The following GRID1 variants were observed in gnomAD, a reference collection of about 807,000 sequenced individuals.
The protein encoded by GRID1 is glutamate receptor ionotropic, delta-1.
GRID1 carries 28 observed loss-of-function variants against 98.0 expected under a neutral mutation model. That is an observed-to-expected ratio of 0.29 (90% CI 0.21 to 0.39). The LOEUF (loss-of-function observed/expected upper bound fraction) is 0.39. GRID1 is among the 10% of genes least tolerant of loss of function. GRID1 has a pLI of 1.00. For missense variants in GRID1, 1,111 were observed against 1,340.5 expected, an observed-to-expected ratio of 0.83 and a Z score of 2.67; for synonymous variants, 553 against 538.5, an observed-to-expected ratio of 1.03 and a Z score of -0.37.
intron 4 of GRID1, among the ~76,000 whole-genome samples, chr10:86,126,808 A>G (rs1844761290): frequency 6.6e-6 from 1 of 152,170 alleles, no homozygotes; most frequent in South Asian, 2.1e-4. Flanking sequence ...TTCTCAGGGG[A>G]ATCTTGGCAG....
chr10:86,141,320 C>T lies in GRID1; in HGVS notation c.521-2296G>A, dbSNP rs1213886148. On this transcript the variant is annotated intron_variant, in intron 3 of 15. Coordinates refer to ENST00000327946, the MANE Select transcript of GRID1 (RefSeq NM_017551.3). ...GCCATGGGGATCTGTAGCTCCCAAG[C>T]TTCTTGAAAGAAAAGGTGAAGAAGA... is the stretch of plus-strand genomic sequence containing the variant. Among the ~76,000 whole-genome samples the T allele has an allele frequency of 2.0e-5, 3 of 152,218 alleles. No individual in the cohort carries two copies. The South Asian group carries it at 6.2e-4, about 32-fold the overall frequency.
chr10:86,167,012 T>A (rs1205532649), intron 3 of GRID1, among the ~76,000 whole-genome samples: 1 of 152,204 alleles, frequency 6.6e-6, no homozygotes, highest in Admixed American at 6.5e-5. Context: ...AAAGGCTGAA[T>A]GGGGAGCACC....
intron 8 of GRID1, among the ~76,000 whole-genome samples, chr10:85,818,042 C>T (rs12219671): frequency 1.3e-5 from 2 of 152,138 alleles, no homozygotes; most frequent in African/African-American, 4.8e-5. Context: ...TATTTAAATG[C>T]TGTTCTTTAG....
At chr10:85,823,682 C>A (rs1373780348) in intron 8 of GRID1, among the ~76,000 whole-genome samples, 1 of 151,746 alleles carries the variant, frequency 6.6e-6, no homozygotes, top group Admixed American at 6.6e-5. Flanking sequence ...AAAACTATAT[C>A]TAAATACAGT....
intron 5 of GRID1, among the ~76,000 whole-genome samples, chr10:85,878,265 G>C (rs1388619142): frequency 6.6e-6 from 1 of 151,976 alleles, no homozygotes; most frequent in Non-Finnish European, 1.5e-5. Context: ...AGGAAATACA[G>C]AGAACGCCAC....
intron 3 of GRID1, among the ~76,000 whole-genome samples, chr10:86,170,300 C>T (rs1204459849): frequency 2.0e-5 from 3 of 152,222 alleles, no homozygotes; most frequent in East Asian, 1.9e-4. Context: ...CAGTGGACAG[C>T]GATTCTAATC....
At chr10:85,887,916 C>T (rs898376239) in intron 5 of GRID1, among the ~76,000 whole-genome samples, 1 of 152,114 alleles carries the variant, frequency 6.6e-6, no homozygotes, top group Non-Finnish European at 1.5e-5. Flanking sequence ...TACCTGGCCT[C>T]CATGCAAGCC....
chr10:86,066,079 T>C (rs942218226), intron 4 of GRID1, among the ~76,000 whole-genome samples: 1 of 152,212 alleles, frequency 6.6e-6, no homozygotes, highest in African/African-American at 2.4e-5. Flanking sequence ...CAGAACATTC[T>C]GAAAAGACAG....
intron 4 of GRID1, among the ~76,000 whole-genome samples, chr10:86,094,470 C>T (rs571242931): frequency 3.9e-5 from 6 of 152,244 alleles, no homozygotes; most frequent in Non-Finnish European, 8.8e-5. Flanking sequence ...CCAGAAAGCT[C>T]CTAGAACTGA....
rs1464267078 is a variant in GRID1, at chr10:86,366,708, G to C, written c.-316C>G. 6.7e-6 allele frequency among the ~76,000 whole-genome samples: 1 copy of C among 149,864 alleles called. No homozygotes were observed. The highest frequency in any genetic ancestry group is 1.5e-5 in the Non-Finnish European group (1 of 66,766). ...GCTTCCCGCGGCTAGAGCGGCTTCG[G>C]GGGAGGCTGAGGCGGTGGCGGCGGC... On this transcript the variant is annotated 5_prime_UTR_variant, in exon 1 of 16. Transcript: ENST00000327946. This position sits in a 1 kb window ranked among gnomAD's most constrained non-coding sequence, Gnocchi z 4.1.
At chr10:85,825,460 C>G (rs1411132236) in intron 8 of GRID1, among the ~76,000 whole-genome samples, 4 of 151,884 alleles carry the variant, frequency 2.6e-5, no homozygotes, top group Non-Finnish European at 4.4e-5. Context: ...GCATCATTTG[C>G]AAATATTTTC....
chr10:86,334,483 C>T (rs888979567), intron 2 of GRID1, among the ~76,000 whole-genome samples: 4 of 152,172 alleles, frequency 2.6e-5, no homozygotes, highest in Non-Finnish European at 5.9e-5. Flanking sequence ...ATGACTAACG[C>T]TCCTTGCCTG....
At chr10:85,707,533 G>A (rs1054383691) in intron 12 of GRID1, among the ~76,000 whole-genome samples, 6 of 152,144 alleles carry the variant, frequency 3.9e-5, no homozygotes, top group South Asian at 2.1e-4. Flanking sequence ...AACTAGTTCA[G>A]CCATTGTGGA....
intron 2 of GRID1, among the ~76,000 whole-genome samples, chr10:86,309,761 T>G (rs1042719188): frequency 4.6e-5 from 7 of 152,214 alleles, no homozygotes; most frequent in African/African-American, 1.7e-4. Flanking sequence ...ATCAATAGCC[T>G]TCAATGTCCT....
chr10:85,831,898 G>GA (rs1384693114), intron 8 of GRID1, among the ~76,000 whole-genome samples: 2 of 150,152 alleles, frequency 1.3e-5, no homozygotes, highest in Non-Finnish European at 3.0e-5. Flanking sequence ...CAAGAAGCCA[G>GA]AAAAAAGAAC....
chr10:85,607,807 CTT>C (rs749667195), intron 15 of GRID1, among the ~76,000 whole-genome samples: 28 of 137,572 alleles, frequency 2.0e-4, no homozygotes, highest in Non-Finnish European at 1.9e-4. Context: ...TTTCCTTTTC[CTT>C]TTTTTTTTTT....
chr10:85,847,758 G>A (rs1037260593), intron 8 of GRID1, among the ~76,000 whole-genome samples: 1 of 151,682 alleles, frequency 6.6e-6, no homozygotes, highest in African/African-American at 2.4e-5. Context: ...AAGAAAGTAT[G>A]AGTAAACAGT....
chr10:86,034,504 T>C (rs1843228477), intron 4 of GRID1, among the ~76,000 whole-genome samples: 1 of 152,058 alleles, frequency 6.6e-6, no homozygotes, highest in Non-Finnish European at 1.5e-5. Flanking sequence ...CAGTTGCCCA[T>C]AGTCACTCAG....
chr10:86,037,754 T>G (rs1230059768), intron 4 of GRID1, among the ~76,000 whole-genome samples: 4 of 152,022 alleles, frequency 2.6e-5, no homozygotes, highest in Non-Finnish European at 5.9e-5. Context: ...AGAGCTATAG[T>G]CAATGGTGTG....
Sources: gnomAD v4.1 joint callset for allele counts (sites outside exome capture counted in the v4.1 genomes callset) on GRCh38, gnomAD v4.1.1 for gene constraint, Gnocchi (gnomAD v3.1) non-coding constraint, MANE v1.5 for transcripts, NCBI Gene and HGNC (gene_info 2026-07-23, HGNC 2026-07-21) for gene names.